HMCN1: variants seen among roughly 807,000 people sequenced by gnomAD.
The protein encoded by HMCN1 is hemicentin 1.
HMCN1 carries 321 observed loss-of-function variants against 625.9 expected under a neutral mutation model. The ratio of observed to expected loss-of-function variants is 0.51; its 90% CI spans 0.47 to 0.56. The LOEUF (loss-of-function observed/expected upper bound fraction) is 0.56. Ranked by LOEUF, HMCN1 falls within the 20% of genes least tolerant of loss-of-function variation. The pLI is 0.00. For synonymous variants in HMCN1, 2,425 were observed against 2,417.6 expected (o/e 1.00, Z -0.09); for missense variants, 6,588 against 6,887.3 (o/e 0.96, Z 1.54).
At chr1:186,188,285 C>T (rs1653481435) in intron 106 of HMCN1, among the ~76,000 whole-genome samples, 2 of 152,202 alleles carry the variant, frequency 1.3e-5, no homozygotes, top group Admixed American at 6.5e-5. Context: ...TCTGCCTCAG[C>T]AGCAAGTGTT....
intron 86 of HMCN1, among the ~76,000 whole-genome samples, chr1:186,133,097 G>A (rs986902492): frequency 6.6e-6 from 1 of 152,164 alleles, no homozygotes; most frequent in African/African-American, 2.4e-5. Flanking sequence ...CATTGTGGAA[G>A]TCAGTGTGGT....
intron 6 of HMCN1, among the ~76,000 whole-genome samples, chr1:185,920,815 A>G (rs1440622632): frequency 6.6e-6 from 1 of 152,122 alleles, no homozygotes; most frequent in Non-Finnish European, 1.5e-5. Context: ...GCCCTTAGTA[A>G]CCTCAACAGC....
At chr1:185,809,885 A>G (rs956136913) in intron 1 of HMCN1, among the ~76,000 whole-genome samples, 2 of 152,074 alleles carry the variant, frequency 1.3e-5, no homozygotes, top group African/African-American at 4.8e-5. Flanking sequence ...TGTTTGTTGC[A>G]GGGTTTAGGT....
At chr1:186,033,064 G>GCACACACA (rs61063202) in intron 36 of HMCN1, among the ~76,000 whole-genome samples, 191 of 140,388 alleles carry the variant, frequency 1.4e-3, no homozygotes, top group African/African-American at 1.8e-3. Flanking sequence ...ATACACACAC[G>GCACACACA]CACACACACA....
Position 186,039,021 on chromosome 1 carries a change from C to T in HMCN1, c.6028+16C>T. ...CAAGTTCATGGTTAGTGCCACTTCACCTAGATTCATTCTGGGGTAAAGAAG... is the reference window on the plus strand; with the variant it reads ...CAAGTTCATGGTTAGTGCCACTTCATCTAGATTCATTCTGGGGTAAAGAAG... On this transcript the variant is annotated intron_variant, in intron 38 of 106. Coordinates refer to ENST00000271588, the MANE Select transcript of HMCN1 (RefSeq NM_031935.3). The T allele has an allele frequency of 6.4e-7, 1 of 1,562,986 alleles. No individual in the cohort carries two copies. Among genetic ancestry groups the T allele is most frequent in the South Asian group, 1.1e-5 (1 of 90,044 alleles).
intron 30 of HMCN1, among the ~76,000 whole-genome samples, chr1:186,014,524 T>C (rs2102128742): frequency 6.6e-6 from 1 of 152,114 alleles, no homozygotes; most frequent in African/African-American, 2.4e-5. Context: ...CAGGAGAGAC[T>C]GAGTGACTTG....
intron 18 of HMCN1, 96 bp downstream of exon 18, chr1:185,982,485 G>T: frequency 8.4e-7 from 1 of 1,184,130 alleles, no homozygotes. Context: ...CTGTCACCTA[G>T]GCTGGAGTGC....
chr1:186,040,752 A>C (rs1656147998), intron 39 of HMCN1, among the ~76,000 whole-genome samples: 1 of 152,132 alleles, frequency 6.6e-6, no homozygotes. Context: ...GTATGGATGA[A>C]AGTTGACTTT....
At chr1:186,070,562 A>G (rs1198350371) in intron 51 of HMCN1, 50 bp from the exon 52 acceptor site, 3 of 1,471,756 alleles carry the variant, frequency 2.0e-6, no homozygotes, top group Non-Finnish European at 2.9e-6. Context: ...GTGGTATTCC[A>G]TGTATTGAAA....
intron 56 of HMCN1, 99 bp from the exon 57 acceptor site, chr1:186,082,766 A>C: frequency 1.9e-6 from 1 of 536,842 alleles, no homozygotes; most frequent in Non-Finnish European, 3.1e-6. Flanking sequence ...ATCTGGTATT[A>C]AATAGAAATA....
At chr1:186,007,408 A>G in intron 30 of HMCN1, 126 bp downstream of exon 30, 1 of 833,602 alleles carries the variant, frequency 1.2e-6, no homozygotes, top group East Asian at 2.5e-5. Flanking sequence ...TCAAGAGAAG[A>G]AGGAGCTTAT....
intron 6 of HMCN1, among the ~76,000 whole-genome samples, chr1:185,912,035 GTAGA>G (rs1666453523): frequency 6.6e-6 from 1 of 152,156 alleles, no homozygotes; most frequent in African/African-American, 2.4e-5. Context: ...CATCAAATCT[GTAGA>G]TTTATTTTAT....
chr1:186,094,064 T>C (rs1659993681), intron 66 of HMCN1, among the ~76,000 whole-genome samples: 1 of 152,154 alleles, frequency 6.6e-6, no homozygotes, highest in African/African-American at 2.4e-5. Context: ...AATTGTGCTA[T>C]ATTTTCAGTG....
chr1:186,130,248 AAATTATGAAC>A, intron 84 of HMCN1, 148 bp downstream of exon 84: 1 of 1,153,154 alleles, frequency 8.7e-7, no homozygotes, highest in Non-Finnish European at 1.2e-6. Context: ...CATGAGAAAA[AAATTATGAAC>A]ATTCAACTCA....
chr1:185,800,493 C>A (rs909784444), intron 1 of HMCN1, among the ~76,000 whole-genome samples: 1 of 152,068 alleles, frequency 6.6e-6, no homozygotes, highest in Admixed American at 6.5e-5. Flanking sequence ...TAATTTCCCC[C>A]TCTGTAAATA....
At chr1:186,066,974 A>G (rs1658158183) in intron 49 of HMCN1, among the ~76,000 whole-genome samples, 1 of 152,176 alleles carries the variant, frequency 6.6e-6, no homozygotes, top group South Asian at 2.1e-4. Context: ...ATTCCTATAT[A>G]GAATTGCTTG....
intron 95 of HMCN1, 139 bp from the exon 96 acceptor site, chr1:186,152,611 T>C: frequency 4.2e-6 from 4 of 958,704 alleles, no homozygotes; most frequent in Middle Eastern, 2.2e-4. Context: ...GGTTAAGTGC[T>C]ATTTCAGTTC....
intron 1 of HMCN1, among the ~76,000 whole-genome samples, chr1:185,762,822 C>A (rs993704474): frequency 6.6e-6 from 1 of 152,092 alleles, no homozygotes; most frequent in African/African-American, 2.4e-5. Flanking sequence ...CACAAGGTCC[C>A]AGGTATTTTA....
chr1:186,055,777 C>T, intron 45 of HMCN1, 103 bp downstream of exon 45: 3 of 1,160,400 alleles, frequency 2.6e-6, no homozygotes, highest in Non-Finnish European at 2.6e-6. Context: ...TTATTTATAA[C>T]CCATCATTTT....
Sources: gnomAD v4.1 joint callset for allele counts (sites outside exome capture counted in the v4.1 genomes callset) on GRCh38, gnomAD v4.1.1 for gene constraint, MANE v1.5 for transcripts, NCBI Gene and HGNC (gene_info 2026-07-23, HGNC 2026-07-21) for gene names.